Variants in DGKG observed in about 807,000 individuals in gnomAD.
The protein encoded by DGKG is DAG kinase gamma.
A neutral mutation model predicts 105.3 loss-of-function variants in DGKG; 78 were observed. The observed-to-expected ratio is 0.74, with a 90% CI of 0.62 to 0.89. DGKG has a LOEUF of 0.89. Ranked by LOEUF, DGKG falls within the 40% of genes least tolerant of loss-of-function variation. The pLI, the probability that DGKG is intolerant of heterozygous loss-of-function variation, is 0.00. For synonymous variants in DGKG, 346 were observed against 367.1 expected (o/e 0.94, Z 0.66); for missense variants, 958 against 1,020.1 (o/e 0.94, Z 0.83).
chr3:186,156,149 A>G (rs937244862), intron 24 of DGKG, among the ~76,000 whole-genome samples: 1 of 152,198 alleles, frequency 6.6e-6, no homozygotes, highest in Admixed American at 6.5e-5. Flanking sequence ...ATTGGTTAAC[A>G]GTCAAATATG....
chr3:186,200,461 C>T (rs1396411349), intron 21 of DGKG, among the ~76,000 whole-genome samples: 1 of 152,196 alleles, frequency 6.6e-6, no homozygotes, highest in African/African-American at 2.4e-5. Context: ...CAGCAGGCTT[C>T]TTGAAAAGTA....
At chr3:186,306,019 T>C (rs1429832974) in intron 3 of DGKG, among the ~76,000 whole-genome samples, 1 of 152,058 alleles carries the variant, frequency 6.6e-6, no homozygotes, top group African/African-American at 2.4e-5. Flanking sequence ...TAGAATGTAG[T>C]GAAGAAAATG....
intron 20 of DGKG, among the ~76,000 whole-genome samples, chr3:186,225,604 A>T (rs1578690359): frequency 1.3e-5 from 2 of 152,122 alleles, no homozygotes; most frequent in African/African-American, 2.4e-5. Context: ...TTAATACTGG[A>T]TTGCTTTCCA....
At chr3:186,357,249 T>C (rs1017939259) in intron 1 of DGKG, among the ~76,000 whole-genome samples, 1 of 152,182 alleles carries the variant, frequency 6.6e-6, no homozygotes, top group Non-Finnish European at 1.5e-5. Context: ...AGCAAAATTT[T>C]GCACTCTTGA....
intron 3 of DGKG, among the ~76,000 whole-genome samples, chr3:186,303,531 A>G (rs147514942): frequency 7.9e-5 from 12 of 152,352 alleles, no homozygotes; most frequent in African/African-American, 2.4e-4. Flanking sequence ...TTCTCAAGAC[A>G]GCAGTGTGGG....
chr3:186,183,702 T>A (rs1717475876), intron 22 of DGKG, among the ~76,000 whole-genome samples: 1 of 151,938 alleles, frequency 6.6e-6, no homozygotes, highest in African/African-American at 2.4e-5. Context: ...TTTCTTTCTT[T>A]CTTTCTTTTT....
chr3:186,239,779 G>C lies in DGKG; in HGVS notation c.1826+2725C>G, dbSNP rs543907411. ...TTGACCTCAGTCAGGTGAAGAGTGA[G>C]CTGAGAACCTACCCTCAGAGAGAAG... On this transcript the variant is annotated intron_variant, in intron 20 of 24. Coordinates refer to ENST00000265022, the MANE Select transcript of DGKG (RefSeq NM_001346.3). 2.6e-5 allele frequency among the ~76,000 whole-genome samples: 4 copies of C among 152,240 alleles called. No individual in the cohort carries two copies. In the South Asian group the frequency reaches 8.3e-4, roughly 32 times the overall value.
At chr3:186,350,677 T>C (rs1350682592) in intron 1 of DGKG, among the ~76,000 whole-genome samples, 1 of 152,224 alleles carries the variant, frequency 6.6e-6, no homozygotes, top group East Asian at 1.9e-4. Flanking sequence ...CTGTTTTCCA[T>C]AGTGGCTGTA....
At chr3:186,326,427 T>TAC (rs1257661404) in intron 1 of DGKG, among the ~76,000 whole-genome samples, 33 of 148,288 alleles carry the variant, frequency 2.2e-4, no homozygotes, top group Non-Finnish European at 3.4e-4. Flanking sequence ...TGTACACAGA[T>TAC]ACACACACAC....
At chr3:186,171,579 G>T (rs1203850317) in intron 22 of DGKG, among the ~76,000 whole-genome samples, 2 of 152,128 alleles carry the variant, frequency 1.3e-5, no homozygotes, top group Non-Finnish European at 2.9e-5. Flanking sequence ...ATGCTGTATT[G>T]TTTAAAGAAT....
intron 2 of DGKG, among the ~76,000 whole-genome samples, chr3:186,314,206 CACACACACACACACACACAT>C (rs1724701243): frequency 1.3e-5 from 2 of 149,842 alleles, no homozygotes; most frequent in South Asian, 4.2e-4. Flanking sequence ...CACACACACA[CACACACACACACACACACAT>C]TAATGTATGT....
chr3:186,275,733 CTTG>C, intron 9 of DGKG, 69 bp from the exon 10 acceptor site: 2 of 949,592 alleles, frequency 2.1e-6, no homozygotes, highest in Non-Finnish European at 3.2e-6. Flanking sequence ...GGGGCTGCCT[CTTG>C]CATGTTCTTC....
chr3:186,265,050 C>G (rs1387068717), intron 14 of DGKG, among the ~76,000 whole-genome samples, 197 bp downstream of exon 14: 1 of 152,250 alleles, frequency 6.6e-6, no homozygotes, highest in Non-Finnish European at 1.5e-5. Context: ...TCAACCTTTC[C>G]TCTCACCACT....
intron 16 of DGKG, among the ~76,000 whole-genome samples, chr3:186,258,625 A>G (rs1294433402): frequency 6.6e-6 from 1 of 152,168 alleles, no homozygotes; most frequent in African/African-American, 2.4e-5. Context: ...TCAAAATCAC[A>G]GCCATGTTAG....
chr3:186,248,893 G>A (rs1386243106), intron 19 of DGKG, among the ~76,000 whole-genome samples: 1 of 152,198 alleles, frequency 6.6e-6, no homozygotes, highest in Non-Finnish European at 1.5e-5. Context: ...TCCACTGGCA[G>A]GGAAACTATG....
intron 3 of DGKG, 128 bp downstream of exon 3, chr3:186,306,773 A>C (rs1724259214): frequency 1.5e-6 from 1 of 656,236 alleles, no homozygotes. Flanking sequence ...GGCTCACTTG[A>C]GACTTAAGAG....
At chr3:186,264,473 A>G (rs1721947814) in intron 14 of DGKG, among the ~76,000 whole-genome samples, 1 of 152,212 alleles carries the variant, frequency 6.6e-6, no homozygotes, top group African/African-American at 2.4e-5. Flanking sequence ...CATGTTGGCC[A>G]GTCTGGTCTC....
chr3:186,329,433 G>A (rs1213703421), intron 1 of DGKG, among the ~76,000 whole-genome samples: 2 of 152,114 alleles, frequency 1.3e-5, no homozygotes, highest in Non-Finnish European at 2.9e-5. Flanking sequence ...TGCACCCTGG[G>A]TCTCTCTATT....
chr3:186,347,674 C>T (rs370212638), intron 1 of DGKG, among the ~76,000 whole-genome samples: 2 of 151,966 alleles, frequency 1.3e-5, no homozygotes, highest in African/African-American at 4.8e-5. Context: ...ACATCTGCCT[C>T]CTGGGTTCAA....
Sources: allele counts gnomAD v4.1 joint callset (sites outside exome capture counted in the v4.1 genomes callset), GRCh38; gene constraint gnomAD v4.1.1; transcripts MANE v1.5; gene names NCBI Gene and HGNC (gene_info 2026-07-23, HGNC 2026-07-21).